PSMC2: variants seen among roughly 807,000 people sequenced by gnomAD.
PSMC2 encodes 26S proteasome regulatory subunit 7.
PSMC2 carries 7 observed loss-of-function variants against 53.3 expected under a neutral mutation model. The ratio of observed to expected loss-of-function variants is 0.13; its 90% CI spans 0.07 to 0.25. The LOEUF is 0.25. PSMC2 is among the 10% of genes least tolerant of loss of function. The pLI is 1.00. For missense variants in PSMC2, 241 were observed against 544.0 expected, an observed-to-expected ratio of 0.44 and a Z score of 5.54; for synonymous variants, 169 against 183.9, an observed-to-expected ratio of 0.92 and a Z score of 0.66.
Position 103,361,835 on chromosome 7 carries a change from T to TC in PSMC2, c.291-119dup, listed in dbSNP as rs1820432663. 4 of 916,580 alleles carry TC rather than the reference T, an allele frequency of 4.4e-6. No homozygotes were observed. In the African/African-American group the frequency reaches 5.2e-5, roughly 12 times the overall value. The allele number at this position is 916,580 out of a possible 1,614,324, so 56.8% of individuals were successfully genotyped here. The stretch of plus-strand genomic sequence containing the variant: ...GTATAGAAAAGGATCTTTAACAGTG[T>TC]CCCAGTTTCTGTAGTTCTAGTTTAT... On this transcript the variant is annotated intron_variant, in intron 4 of 11. Transcript: ENST00000292644.
intron 5 of PSMC2, chr7:103,362,418 G>A: frequency 7.4e-7 from 1 of 1,349,014 alleles, no homozygotes; most frequent in Non-Finnish European, 9.5e-7. Context: ...AATGTCTATA[G>A]AATACATAAC....
At chr7:103,357,562 T>C (rs1389440579) in intron 4 of PSMC2, among the ~76,000 whole-genome samples, 1 of 152,204 alleles carries the variant, frequency 6.6e-6, no homozygotes, top group Non-Finnish European at 1.5e-5. Context: ...GATTTTGTTT[T>C]GTTTCCTCTG....
chr7:103,349,932 G>A (rs1229075595), intron 1 of PSMC2, among the ~76,000 whole-genome samples: 2 of 152,136 alleles, frequency 1.3e-5, no homozygotes, highest in African/African-American at 4.8e-5. Flanking sequence ...CTCCTGAGAC[G>A]ATTGAGAATC....
chr7:103,355,455 C>T lies in PSMC2; in HGVS notation c.191-239C>T, dbSNP rs185393845. On this transcript the variant is annotated intron_variant, in intron 3 of 11. Transcript: ENST00000292644. ...ATTTTGCCCCACCCTCCCAACCCCT[C>T]CCAGAGGACACTGGGCAATGTCTGG... 2.6e-4 allele frequency among the ~76,000 whole-genome samples: 39 copies of T among 148,728 alleles called. No homozygotes were observed. The East Asian group carries it at 6.6e-3, about 25-fold the overall frequency.
At chr7:103,366,234 T>C (rs1289119422) in intron 9 of PSMC2, 71 bp downstream of exon 9, 2 of 1,334,066 alleles carry the variant, frequency 1.5e-6, no homozygotes, top group Non-Finnish European at 2.1e-6. Context: ...TATGTCGTGA[T>C]ATGTTAATCT....
At chr7:103,358,966 G>A (rs1221649053) in intron 4 of PSMC2, among the ~76,000 whole-genome samples, 1 of 150,752 alleles carries the variant, frequency 6.6e-6, no homozygotes, top group Admixed American at 6.6e-5. Flanking sequence ...ATTTGTGTAT[G>A]TGTAATTTTT....
intron 1 of PSMC2, among the ~76,000 whole-genome samples, chr7:103,349,474 GTCTTGC>G (rs1332093763): frequency 6.6e-6 from 1 of 150,886 alleles, no homozygotes; most frequent in Non-Finnish European, 1.5e-5. Context: ...TTGAGATGGA[GTCTTGC>G]TCTTGTCACC....
At chr7:103,350,615 A>C (rs925102439) in intron 1 of PSMC2, among the ~76,000 whole-genome samples, 60 of 152,004 alleles carry the variant, frequency 3.9e-4, no homozygotes, top group Non-Finnish European at 1.2e-4. Flanking sequence ...CAGCCTCCCT[A>C]GTAGTTAGGA....
At chr7:103,352,840 T>C (rs769805683) in intron 1 of PSMC2, 10 of 780,708 alleles carry the variant, frequency 1.3e-5, no homozygotes, top group Non-Finnish European at 2.2e-5. Flanking sequence ...ATTCAAACCC[T>C]GTCCACCTGG....
At position 103,368,277 on chromosome 7, in the gene PSMC2, A is replaced by G. The variant is rs752400875; in HGVS notation, c.*223A>G. On this transcript the variant is annotated 3_prime_UTR_variant, in exon 12 of 12. Transcript: ENST00000292644. Reference sequence around the variant, plus strand: ...TGACCCACACCCGTTTAAGGATTTCACATCATACAAAGCGCTTGCTTAGAT... The same window carrying G: ...TGACCCACACCCGTTTAAGGATTTCGCATCATACAAAGCGCTTGCTTAGAT... 8.6e-6 allele frequency: 4 copies of G among 462,536 alleles called. No individual in the cohort carries two copies. Among genetic ancestry groups the G allele is most frequent in the Non-Finnish European group, 1.5e-5 (4 of 266,600 alleles). 28.7% of individuals were successfully genotyped at this position (462,536 alleles called of 1,614,324 possible). A position where few individuals can be genotyped will look rare whatever the true frequency, so the allele number is the denominator to read the frequency against.
rs999201597 is a variant in PSMC2 at position 103,360,918 on chromosome 7, C to T, written c.291-1039C>T. ...CTTGAGGTCGGGAGTTTGAAACCAG[C>T]CTGGCCAACATGGTGAAACCCCGTA... is the stretch of plus-strand genomic sequence containing the variant. On this transcript the variant is annotated intron_variant, in intron 4 of 11. Transcript: ENST00000292644. 1.1e-4 allele frequency among the ~76,000 whole-genome samples: 17 copies of T among 151,752 alleles called. 1 individual carries two copies. Among genetic ancestry groups the T allele is most frequent in the Non-Finnish European group, 1.9e-4 (13 of 67,964 alleles).
chr7:103,361,712 G>T (rs886995812), intron 4 of PSMC2, among the ~76,000 whole-genome samples: 1 of 152,048 alleles, frequency 6.6e-6, no homozygotes, highest in Non-Finnish European at 1.5e-5. Flanking sequence ...AGAAATCAGA[G>T]AACTTCTTAA....
chr7:103,361,505 C>A (rs1586162365), intron 4 of PSMC2, among the ~76,000 whole-genome samples: 7 of 86,354 alleles, frequency 8.1e-5, no homozygotes, highest in East Asian at 3.4e-4. Context: ...AGTGAAACTC[C>A]ATCTCAAAAA....
intron 4 of PSMC2, among the ~76,000 whole-genome samples, chr7:103,359,529 CT>C (rs1820253685): frequency 1.3e-5 from 2 of 152,226 alleles, no homozygotes; most frequent in African/African-American, 4.8e-5. Context: ...CATTTATCTA[CT>C]TTCTGTTTCT....
chr7:103,352,215 TAA>T (rs769618353), intron 1 of PSMC2, among the ~76,000 whole-genome samples: 3,073 of 40,440 alleles, frequency 0.076, 231 homozygotes, highest in African/African-American at 0.25. Flanking sequence ...CATACTTAGT[TAA>T]AAAAAAAAAA....
chr7:103,364,677 G>C (rs1820596725), intron 8 of PSMC2, among the ~76,000 whole-genome samples: 1 of 152,058 alleles, frequency 6.6e-6, no homozygotes, highest in Admixed American at 6.6e-5. Context: ...CAGAGTGCTG[G>C]TAGTATAGGC....
Position 103,355,075 on chromosome 7 carries a change from G to C in PSMC2, c.190+126G>C, listed in dbSNP as rs182631890. The C allele has an allele frequency of 7.2e-6, 5 of 695,518 alleles. No individual in the cohort carries two copies. In the Admixed American group the frequency reaches 7.4e-5, roughly 10 times the overall value. 43.1% of individuals were successfully genotyped at this position (695,518 alleles called of 1,614,324 possible). A position where few individuals can be genotyped will look rare whatever the true frequency, so the allele number is the denominator to read the frequency against. On this transcript the variant is annotated intron_variant, in intron 3 of 11. Coordinates refer to ENST00000292644, the MANE Select transcript of PSMC2 (RefSeq NM_002803.4). ...AAAAAAATCATTATTCTTCCTTTCTGTTAAGAAATTAGATCTCATTTAACC... is the reference window on the plus strand; with the variant it reads ...AAAAAAATCATTATTCTTCCTTTCTCTTAAGAAATTAGATCTCATTTAACC...
At chr7:103,358,551 A>T (rs1820175239) in intron 4 of PSMC2, among the ~76,000 whole-genome samples, 1 of 150,164 alleles carries the variant, frequency 6.7e-6, no homozygotes, top group African/African-American at 2.5e-5. Context: ...TTTATCTTTG[A>T]ATTTTTCTGT....
At chr7:103,362,324 G>A in intron 5 of PSMC2, 1 of 1,371,466 alleles carries the variant, frequency 7.3e-7, no homozygotes, top group Non-Finnish European at 9.4e-7. Context: ...AAATTTCAGA[G>A]TTGAGGTTAC....
Sources: allele counts gnomAD v4.1 joint callset (sites outside exome capture counted in the v4.1 genomes callset), GRCh38; gene constraint gnomAD v4.1.1; transcripts MANE v1.5; gene names NCBI Gene and HGNC (gene_info 2026-07-23, HGNC 2026-07-21).